The following SLC8A1 variants were observed in gnomAD, a reference collection of about 807,000 sequenced individuals.
SLC8A1 encodes solute carrier family 8 member A1, also known as sodium/calcium exchanger 1.
Under a neutral mutation model 68.3 loss-of-function variants are expected in SLC8A1, and 18 were observed. The observed-to-expected ratio is 0.26, with a 90% CI of 0.18 to 0.39. The LOEUF is 0.39. Among genes scored for constraint, SLC8A1 ranks in the 10% least tolerant of loss-of-function variants. The pLI is 1.00. For synonymous variants in SLC8A1, 475 were observed against 415.5 expected (o/e 1.14, Z -1.74); for missense variants, 985 against 1,156.7 (o/e 0.85, Z 2.15).
chr2:40,130,250 A>T (rs1344936595), intron 7 of SLC8A1, among the ~76,000 whole-genome samples: 2 of 152,238 alleles, frequency 1.3e-5, no homozygotes, highest in African/African-American at 2.4e-5. Flanking sequence ...GTTTCTTAGT[A>T]TACGATAACA....
chr2:40,243,082 T>G (rs2061417767), intron 2 of SLC8A1, among the ~76,000 whole-genome samples: 2 of 152,206 alleles, frequency 1.3e-5, no homozygotes, highest in South Asian at 4.1e-4. Flanking sequence ...ATACAGACAT[T>G]GAAGGCTCAT....
chr2:40,326,615 A>C (rs1216111140), intron 2 of SLC8A1, among the ~76,000 whole-genome samples: 1 of 152,118 alleles, frequency 6.6e-6, no homozygotes, highest in African/African-American at 2.4e-5. Context: ...CGAACTGCCA[A>C]GAGTTAAAGG....
intron 2 of SLC8A1, among the ~76,000 whole-genome samples, chr2:40,316,774 T>C (rs1330834333): frequency 1.3e-5 from 2 of 151,984 alleles, no homozygotes; most frequent in Non-Finnish European, 2.9e-5. Flanking sequence ...TCCCCCAATT[T>C]GTGTTTTATC....
chr2:40,242,852 G>A (rs569564061), intron 2 of SLC8A1, among the ~76,000 whole-genome samples: 35 of 152,288 alleles, frequency 2.3e-4, no homozygotes, highest in South Asian at 4.2e-4. Flanking sequence ...TTAGTCAGAC[G>A]AGAAAGACAA....
exon 8 of SLC8A1, chr2:40,099,492 TCTTA>T (rs1034305697): frequency 6.6e-6 from 1 of 152,028 alleles, no homozygotes; most frequent in African/African-American, 2.4e-5. Context: ...TATTAGGATT[TCTTA>T]CTTCATTTTT....
chr2:40,254,627 T>TGTGA (rs2063583860), intron 2 of SLC8A1: 1 of 152,186 alleles, frequency 6.6e-6, no homozygotes, highest in African/African-American at 2.4e-5. Flanking sequence ...TTCAGAAAAT[T>TGTGA]GTGAGTTTTA....
chr2:40,154,300 T>TG (rs1558547587), intron 6 of SLC8A1, among the ~76,000 whole-genome samples: 1 of 2,070 alleles, frequency 4.8e-4, no homozygotes. Context: ...TTATTTATTC[T>TG]TTTTTTTTTT....
intron 1 of SLC8A1, 133 bp from the exon 2 acceptor site, chr2:40,430,437 ATT>A (rs1413083427): frequency 2.8e-5 from 23 of 807,274 alleles, no homozygotes; most frequent in Non-Finnish European, 4.0e-5. Context: ...CAAAACCGAA[ATT>A]TGTTTATATT....
intron 2 of SLC8A1, among the ~76,000 whole-genome samples, chr2:40,218,527 T>C (rs1444865396): frequency 2.6e-5 from 4 of 152,178 alleles, no homozygotes; most frequent in Non-Finnish European, 1.5e-5. Context: ...TTACTTTTAA[T>C]ATGGCCCATT....
At chr2:40,501,394 G>A (rs748065998) in intron 1 of SLC8A1, among the ~76,000 whole-genome samples, 4 of 152,050 alleles carry the variant, frequency 2.6e-5, no homozygotes, top group Non-Finnish European at 2.9e-5. Context: ...AAATAGTTAG[G>A]AAATAATTGC....
chr2:40,138,958 G>A (rs570148630), intron 7 of SLC8A1, among the ~76,000 whole-genome samples: 7 of 152,090 alleles, frequency 4.6e-5, no homozygotes, highest in Non-Finnish European at 1.0e-4. Flanking sequence ...ATTTTATCAG[G>A]TCTCCAGTAA....
chr2:40,408,299 G>T (rs1691015794), intron 2 of SLC8A1, among the ~76,000 whole-genome samples: 3 of 152,146 alleles, frequency 2.0e-5, no homozygotes, highest in Admixed American at 6.6e-5. Context: ...GAGATACACA[G>T]TTACTCAAAT....
rs183836299 is a variant in SLC8A1 at position 40,277,507 on chromosome 2, T to C, written c.1809-99652A>G. On this transcript the variant is annotated intron_variant, in intron 2 of 7. Coordinates refer to ENST00000406785, the Ensembl canonical transcript of SLC8A1. ...GTGAGCTGAGATACGACCACTGCCC[T>C]CCAGCCTGGGCAACAGAGTGAGACT... 2.1e-3 allele frequency among the ~76,000 whole-genome samples: 321 copies of C among 151,940 alleles called. 1 individual carries two copies. The highest frequency in any genetic ancestry group is 6.8e-3 in the African/African-American group (281 of 41,438).
At chr2:40,507,990 A>T (rs1290194810) in intron 1 of SLC8A1, among the ~76,000 whole-genome samples, 1 of 152,104 alleles carries the variant, frequency 6.6e-6, no homozygotes, top group Non-Finnish European at 1.5e-5. Context: ...TAAAAGTAGT[A>T]AAGATTTAAA....
chr2:40,115,108 C>T (rs993313897), exon 8 of SLC8A1: 14 of 520,186 alleles, frequency 2.7e-5, no homozygotes, highest in African/African-American at 1.6e-4. Context: ...TTTTTTACTT[C>T]GGCCCTAGTA....
intron 2 of SLC8A1, among the ~76,000 whole-genome samples, chr2:40,374,570 G>A (rs1224243800): frequency 6.6e-6 from 1 of 151,936 alleles, no homozygotes; most frequent in Admixed American, 6.6e-5. Context: ...GGCCTGTAAA[G>A]GAAAGAACTA....
chr2:40,307,135 A>C (rs911058801), intron 2 of SLC8A1, among the ~76,000 whole-genome samples: 1 of 148,056 alleles, frequency 6.8e-6, no homozygotes, highest in Non-Finnish European at 1.5e-5. Flanking sequence ...CTGGCTAAAG[A>C]AAATGTGATA....
At chr2:40,427,754 C>T (rs538158782) in intron 2 of SLC8A1, among the ~76,000 whole-genome samples, 1 of 152,114 alleles carries the variant, frequency 6.6e-6, no homozygotes, top group African/African-American at 2.4e-5. Flanking sequence ...CAACTAGACA[C>T]GTGGACAGAA....
intron 2 of SLC8A1, among the ~76,000 whole-genome samples, chr2:40,247,985 C>G (rs1258379231): frequency 6.6e-6 from 1 of 152,102 alleles, no homozygotes; most frequent in African/African-American, 2.4e-5. Context: ...GCGTGTGTTC[C>G]GTGAACTCAA....
Sources: allele counts gnomAD v4.1 joint callset (sites outside exome capture counted in the v4.1 genomes callset), GRCh38; gene constraint gnomAD v4.1.1; transcripts MANE v1.5; gene names NCBI Gene and HGNC (gene_info 2026-07-23, HGNC 2026-07-21).